The following RYR1 variants were observed in gnomAD, a reference collection of about 807,000 sequenced individuals.
The protein encoded by RYR1 is ryanodine receptor 1.
In RYR1, 342 loss-of-function variants were observed where a neutral mutation model predicts 583.5. The observed-to-expected ratio is 0.59, with a 90% CI of 0.54 to 0.64. The LOEUF (loss-of-function observed/expected upper bound fraction) is 0.64, where lower values mean the gene tolerates loss of function less well. Among genes scored for constraint, RYR1 ranks in the 30% least tolerant of loss-of-function variants. The pLI, the probability that RYR1 is intolerant of heterozygous loss-of-function variation, is 0.00. For missense variants in RYR1, 6,032 were observed against 6,917.2 expected (o/e 0.87, Z 4.54); for synonymous variants, 2,791 against 2,822.5 (o/e 0.99, Z 0.35).
chr19:38,459,050 T>A, intron 18 of RYR1, 96 bp from the exon 19 acceptor site: 1 of 1,103,094 alleles, frequency 9.1e-7, no homozygotes, highest in Non-Finnish European at 1.4e-6. Flanking sequence ...CAGGATGCAA[T>A]CTCCACAGGA....
rs1479361437 is a variant in RYR1, at chr19:38,457,518, C to CTG, written c.1823_1824dup (p.Asn609ValfsTer58). 1.2e-6 allele frequency: 2 copies of CTG among 1,613,968 alleles called. No homozygotes were observed. The highest frequency in any genetic ancestry group is 8.5e-7 in the Non-Finnish European group (1 of 1,179,958). ...CTAGGTCCTGGACGTGCTATGCTCC[C>CTG]TGTGTGTGTGTAATGGTGTGGCTGT... is the stretch of plus-strand genomic sequence containing the variant. On this transcript the variant is annotated frameshift_variant, in exon 17 of 106. Coordinates refer to ENST00000359596, the MANE Select transcript of RYR1 (RefSeq NM_000540.3). LOFTEE classifies it high-confidence loss of function.
In RYR1 at chr19:38,455,286, A is replaced by T. The variant is rs1284376538; in HGVS notation, c.1492A>T (p.Thr498Ser). Reference protein sequence around the residue: ...NCIDRLNVYTTAAHFAEFAGE... With the variant: ...NCIDRLNVYTSAAHFAEFAGE... ...CATAGACCGCCTAAATGTCTACACC[A>T]CTGCTGCCCACTTTGCTGAGTTTGC... The change falls in exon 14 of 106, where the codon ACT becomes TCT. Residue 498 changes from threonine (T) to serine (S), a missense_variant. Around this residue, in one of 11 missense-constraint regions of RYR1, gnomAD observed 2,627 missense variants for 2,961.3 expected, o/e 0.89. Transcript: ENST00000359596. 3 of 1,613,928 alleles carry T rather than the reference A, an allele frequency of 1.9e-6. No homozygotes were observed. The highest frequency in any genetic ancestry group is 2.5e-6 in the Non-Finnish European group (3 of 1,179,992).
At chr19:38,473,927 T>C (rs1968577345) in intron 28 of RYR1, among the ~76,000 whole-genome samples, 156 bp downstream of exon 28, 1 of 152,198 alleles carries the variant, frequency 6.6e-6, no homozygotes, top group Non-Finnish European at 1.5e-5. Context: ...ATGTCTCCAA[T>C]GAACCCCATT....
chr19:38,543,318 G>T lies in RYR1; in HGVS notation c.11690-29G>T, dbSNP rs747807449. ...TCATCTCCCCTAGCACATGGGAGGT[G>T]CTGGATAAATGACTTTTCATCTCCC... On this transcript the variant is annotated intron_variant, in intron 84 of 105. Coordinates refer to ENST00000359596, the MANE Select transcript of RYR1 (RefSeq NM_000540.3). The surrounding 1 kb of genome is among the most constrained non-coding windows in gnomAD (Gnocchi z 4.4). 1 of 1,595,560 alleles carries T rather than the reference G, an allele frequency of 6.3e-7. No homozygotes were observed. Among genetic ancestry groups the T allele is most frequent in the South Asian group, 1.1e-5 (1 of 90,680 alleles).
At chr19:38,585,703 G>T (rs1053063359) in intron 102 of RYR1, among the ~76,000 whole-genome samples, 2 of 151,858 alleles carry the variant, frequency 1.3e-5, no homozygotes, top group Non-Finnish European at 2.9e-5. Flanking sequence ...GGCTGCTCTT[G>T]AACTCCTCAC....
In RYR1 at chr19:38,565,665, G is replaced by A; in HGVS notation, c.13331G>A (p.Gly4444Asp). ...GGGGCGGTGGCCGTGACCGATGGGG[G>A]CCCCTTCCGGCCCGAAGGGGCTGGC... Reference protein sequence around the residue: ...ADGAVAVTDGGPFRPEGAGGL... With the variant: ...ADGAVAVTDGDPFRPEGAGGL... The change falls in exon 91 of 106, where the codon GGC becomes GAC. Residue 4444 changes from glycine (G) to aspartate (D), a missense_variant. This residue lies in a region of RYR1 where 753 missense variants were observed against 759.6 expected (regional missense o/e 0.99). Coordinates refer to ENST00000359596, the MANE Select transcript of RYR1 (RefSeq NM_000540.3). The surrounding 1 kb of genome is among the most constrained non-coding windows in gnomAD (Gnocchi z 4.7). 2 of 1,391,456 alleles carry A rather than the reference G, an allele frequency of 1.4e-6. No individual in the cohort carries two copies. Among genetic ancestry groups the A allele is most frequent in the Non-Finnish European group, 1.8e-6 (2 of 1,083,396 alleles). The allele number at this position is 1,391,456 out of a possible 1,614,324, so 86.2% of individuals were successfully genotyped here. A position where few individuals can be genotyped will look rare whatever the true frequency, so the allele number is the denominator to read the frequency against.
Position 38,473,789 on chromosome 19 carries a change from C to T in RYR1, c.4160+18C>T, listed in dbSNP as rs1310209381. On this transcript the variant is annotated intron_variant, in intron 28 of 105. Coordinates refer to ENST00000359596, the MANE Select transcript of RYR1 (RefSeq NM_000540.3). ...AAGAGAGGGTGAGTCGAGGGGGGCC[C>T]AGAGTGGGGATTGGGGGCTGCCTTG... The T allele has an allele frequency of 6.7e-7, 1 of 1,496,106 alleles. No homozygotes were observed. Among genetic ancestry groups the T allele is most frequent in the Non-Finnish European group, 8.9e-7 (1 of 1,120,922 alleles). The allele number at this position is 1,496,106 out of a possible 1,614,324, so 92.7% of individuals were successfully genotyped here.
At position 38,567,759 on chromosome 19, in the gene RYR1, G is replaced by A. The variant is rs1339401024; in HGVS notation, c.13515-14G>A. 2.5e-6 allele frequency: 4 copies of A among 1,614,044 alleles called. No homozygotes were observed. The highest frequency in any genetic ancestry group is 3.4e-6 in the Non-Finnish European group (4 of 1,180,044). On this transcript the variant is annotated splice_polypyrimidine_tract_variant and intron_variant, in intron 92 of 105. Transcript: ENST00000359596. ...CCCAGGCACCTCCTGACCTCTCTCT[G>A]TCCTGCCCTGCAGTGCCGAGAATGG...
At chr19:38,534,624 G>T in intron 78 of RYR1, 96 bp from the exon 79 acceptor site, 5 of 1,033,530 alleles carry the variant, frequency 4.8e-6, no homozygotes, top group Non-Finnish European at 7.4e-6. Context: ...AGTTGTGGAT[G>T]TGGCTGGAAC....
intron 33 of RYR1, among the ~76,000 whole-genome samples, chr19:38,484,360 TTTCTTTCC>T: frequency 6.6e-6 from 1 of 151,462 alleles, no homozygotes; most frequent in South Asian, 2.1e-4. Context: ...TGCCTCTTTC[TTTCTTTCC>T]TTCCTTCCTT....
rs1024527883 is a variant in RYR1, at chr19:38,502,354, C to T, written c.7615-153C>T. On this transcript the variant is annotated intron_variant, in intron 47 of 105. Coordinates refer to ENST00000359596, the MANE Select transcript of RYR1 (RefSeq NM_000540.3). ...GGGGCTGTGGGCATAGGGGTGTGGG[C>T]ATAGGGTGGGAGGAGGGTGGTAGAG... 4.7e-5 allele frequency among the ~76,000 whole-genome samples: 7 copies of T among 148,358 alleles called. No homozygotes were observed. In the East Asian group the frequency reaches 1.4e-3, roughly 30 times the overall value.
chr19:38,463,671 C>T (rs1967914588), intron 21 of RYR1, 76 bp from the exon 22 acceptor site: 13 of 1,504,126 alleles, frequency 8.6e-6, no homozygotes, highest in Admixed American at 5.0e-5. Context: ...GGTTGGAGGT[C>T]AGGGGTCATA....
At position 38,486,190 on chromosome 19, in the gene RYR1, G is replaced by A. The variant is rs1345024894; in HGVS notation, c.5535G>A (p.Val1845=). The A allele has an allele frequency of 1.2e-6, 2 of 1,612,876 alleles. No individual in the cohort carries two copies. Among genetic ancestry groups the A allele is most frequent in the South Asian group, 2.2e-5 (2 of 91,086 alleles). The change falls in exon 34 of 106, where the codon GTG becomes GTA. Residue 1845 remains valine, a synonymous_variant. Transcript: ENST00000359596. ...AGTTTGTGCCTGTGCTCAAGCTCGTGTCCACCCTGCTGGTAATGGCTTCCT... is the reference window on the plus strand; with the variant it reads ...AGTTTGTGCCTGTGCTCAAGCTCGTATCCACCCTGCTGGTAATGGCTTCCT... The part of the protein sequence containing the change: ...EFQFVPVLKL[V]STLLVMGIFG...
rs373266622 is a variant in RYR1 at position 38,434,707 on chromosome 19, G to A, written c.45+833G>A. On this transcript the variant is annotated intron_variant, in intron 1 of 105. Coordinates refer to ENST00000359596, the MANE Select transcript of RYR1 (RefSeq NM_000540.3). ...ATGGGGAGGGGATGAGAGGGAGGAG[G>A]GGCTGCCATCTCCTTGTCCTTCCCA... Among the ~76,000 whole-genome samples, 347 of 152,228 alleles carry A rather than the reference G, an allele frequency of 2.3e-3. 1 individual carries two copies. Among genetic ancestry groups the A allele is most frequent in the African/African-American group, 7.9e-3 (329 of 41,546 alleles).
rs1426911844 is a variant in RYR1 at position 38,567,838 on chromosome 19, C to G, written c.13580C>G (p.Pro4527Arg). ...CCAGAGCCCCCCAAGAAGCAAGCAC[C>G]TCCCTCACCCCCTCCAAAGAAGGAG... ...PTPEPPKKQA[P>R]PSPPPKKEEA... The change falls in exon 93 of 106, where the codon CCT becomes CGT. Residue 4527 changes from proline to arginine, a missense_variant. Physicochemically the swap from Pro to Arg is moderately radical, Grantham distance 103 (BLOSUM62 -2). This residue lies in a region of RYR1 where 753 missense variants were observed against 759.6 expected (regional missense o/e 0.99). Transcript: ENST00000359596. 3 of 1,614,156 alleles carry G rather than the reference C, an allele frequency of 1.9e-6. No homozygotes were observed. The highest frequency in any genetic ancestry group is 1.7e-6 in the Non-Finnish European group (2 of 1,180,036).
Position 38,446,684 on chromosome 19 carries a change from G to A in RYR1, c.726-10G>A, listed in dbSNP as rs1305136489. On this transcript the variant is annotated splice_polypyrimidine_tract_variant and intron_variant, in intron 8 of 105. Transcript: ENST00000359596. ...TGAACCCTTGACTTCACTCTCTTCT[G>A]TGTCCCCAGACTTGTCTACTATGAG... 9 of 1,613,638 alleles carry A rather than the reference G, an allele frequency of 5.6e-6. No homozygotes were observed. The highest frequency in any genetic ancestry group is 7.6e-6 in the Non-Finnish European group (9 of 1,179,570).
chr19:38,456,239 G>A lies in RYR1; in HGVS notation c.1791+488G>A, dbSNP rs111599439. Among the ~76,000 whole-genome samples, 1,100 of 147,016 alleles carry A rather than the reference G, an allele frequency of 7.5e-3. 15 individuals are homozygous for A. Among genetic ancestry groups the A allele is most frequent in the African/African-American group, 0.024 (961 of 39,512 alleles). ...ATCCGTCCACCTCAGCCTCCCAAAT[G>A]CTGGAATTACAGGCGTGAACCACCA... is the stretch of plus-strand genomic sequence containing the variant. On this transcript the variant is annotated intron_variant, in intron 16 of 105. Coordinates refer to ENST00000359596, the MANE Select transcript of RYR1 (RefSeq NM_000540.3).
At chr19:38,527,178 C>T in intron 72 of RYR1, 126 bp downstream of exon 72, 1 of 1,058,216 alleles carries the variant, frequency 9.4e-7, no homozygotes, top group Non-Finnish European at 1.4e-6. Flanking sequence ...AGTTTGAGAC[C>T]AGCCTGGCCA....
rs1295360181 is a variant in RYR1 at position 38,586,068 on chromosome 19, C to CTGA, written c.14869-20_14869-18dup. 9.3e-6 allele frequency: 15 copies of CTGA among 1,613,940 alleles called. No individual in the cohort carries two copies. In the East Asian group the frequency reaches 3.3e-4, roughly 36 times the overall value. On this transcript the variant is annotated intron_variant, in intron 103 of 105. Transcript: ENST00000359596. The stretch of plus-strand genomic sequence containing the variant: ...TCAGGGGGTCAAGTGGGCCTCCACT[C>CTGA]TGATGTCTCTTGCCACTCACAGACC...
Sources: allele counts gnomAD v4.1 joint callset (sites outside exome capture counted in the v4.1 genomes callset), GRCh38; gene constraint gnomAD v4.1.1; regional missense constraint gnomAD v4.1.1; non-coding constraint Gnocchi (gnomAD v3.1); transcripts MANE v1.5; gene names NCBI Gene and HGNC (gene_info 2026-07-23, HGNC 2026-07-21).